Variants in HLCS observed in about 807,000 individuals in gnomAD.
HLCS encodes the protein holocarboxylase synthetase.
A neutral mutation model predicts 75.0 loss-of-function variants in HLCS; 53 were observed. That is an observed-to-expected ratio of 0.71 (90% confidence interval 0.57 to 0.89). The LOEUF is 0.89. Ranked by LOEUF, HLCS falls within the 40% of genes least tolerant of loss-of-function variation. The probability of loss-of-function intolerance (pLI) is 0.00; values close to 1 mark genes in which losing one functional copy is unlikely to be tolerated. For missense variants in HLCS, 966 were observed against 1,074.0 expected, an observed-to-expected ratio of 0.90 and a Z score of 1.41; for synonymous variants, 431 against 428.6, an observed-to-expected ratio of 1.01 and a Z score of -0.07.
chr21:36,763,443 G>C (rs2089922485), intron 8 of HLCS, among the ~76,000 whole-genome samples: 1 of 152,230 alleles, frequency 6.6e-6, no homozygotes, highest in African/African-American at 2.4e-5. Context: ...GTGCCTGGTA[G>C]TAAGCGTCCG....
At chr21:36,792,506 G>C (rs934333381) in intron 6 of HLCS, among the ~76,000 whole-genome samples, 1 of 151,516 alleles carries the variant, frequency 6.6e-6, no homozygotes, top group Non-Finnish European at 1.5e-5. Flanking sequence ...GGAAGGGAGC[G>C]GGGGGAGGAG....
chr21:36,901,690 A>C (rs1402166418), intron 5 of HLCS, among the ~76,000 whole-genome samples: 1 of 152,128 alleles, frequency 6.6e-6, no homozygotes, highest in African/African-American at 2.4e-5. Context: ...TCTCCTCTTT[A>C]AGTGTCCCGA....
At chr21:36,964,633 A>G (rs112265860) in intron 1 of HLCS, among the ~76,000 whole-genome samples, 3 of 152,218 alleles carry the variant, frequency 2.0e-5, no homozygotes, top group Admixed American at 6.5e-5. Context: ...GTGCAGAGTG[A>G]CAGAGCAGAG....
intron 6 of HLCS, among the ~76,000 whole-genome samples, chr21:36,892,023 T>G (rs2064806917): frequency 6.6e-6 from 1 of 151,760 alleles, no homozygotes; most frequent in South Asian, 2.1e-4. Context: ...AAGACCAGAG[T>G]TTTTAGGCTG....
intron 6 of HLCS, among the ~76,000 whole-genome samples, chr21:36,811,048 A>T (rs1569042999): frequency 6.6e-6 from 1 of 151,932 alleles, no homozygotes; most frequent in Non-Finnish European, 1.5e-5. Context: ...TAATTGGCAG[A>T]TAAAACTGAA....
intron 4 of HLCS, among the ~76,000 whole-genome samples, chr21:36,935,888 A>G (rs1434120265): frequency 6.6e-6 from 1 of 152,216 alleles, no homozygotes; most frequent in Non-Finnish European, 1.5e-5. Context: ...AGTAGCTTCA[A>G]TATTCTCTTA....
chr21:36,828,749 T>C (rs1253269333), intron 6 of HLCS, among the ~76,000 whole-genome samples: 10 of 152,364 alleles, frequency 6.6e-5, no homozygotes, highest in Non-Finnish European at 1.3e-4. Context: ...ATAAATCCTT[T>C]TTACTTAAGT....
At chr21:36,864,452 C>T (rs2063488644) in intron 6 of HLCS, among the ~76,000 whole-genome samples, 1 of 152,060 alleles carries the variant, frequency 6.6e-6, no homozygotes, top group South Asian at 2.1e-4. Context: ...TTTGCATTCC[C>T]TTTCCTCCTT....
rs59724760 is a variant in HLCS at position 36,823,610 on chromosome 21, G to GGTGTGTGTGTGTGTGTGTGTGTGT, written c.1893-56349_1893-56326dup. Among the ~76,000 whole-genome samples, 1,203 of 132,738 alleles carry GGTGTGTGTGTGTGTGTGTGTGTGT rather than the reference G, an allele frequency of 9.1e-3. 6 individuals are homozygous for GGTGTGTGTGTGTGTGTGTGTGTGT. The highest frequency in any genetic ancestry group is 0.017 in the African/African-American group (592 of 35,852). The allele number at this position is 132,738 out of a possible 152,430, so 87.1% of individuals were successfully genotyped here. A position where few individuals can be genotyped will look rare whatever the true frequency, so the allele number is the denominator to read the frequency against. ...CCATTTACCAGCTTCAAACGTGCAG[G>GGTGTGTGTGTGTGTGTGTGTGTGT]GTGTGTGTGTGTGTGTGTGTGTGTG... On this transcript the variant is annotated intron_variant, in intron 6 of 10. Transcript: ENST00000674895.
intron 6 of HLCS, among the ~76,000 whole-genome samples, chr21:36,796,846 T>A (rs2061039968): frequency 6.6e-6 from 1 of 151,324 alleles, no homozygotes; most frequent in East Asian, 1.9e-4. Flanking sequence ...ACAAGTTTAT[T>A]AAAGTGACTT....
At chr21:36,839,966 C>T (rs1403032982) in intron 6 of HLCS, among the ~76,000 whole-genome samples, 1 of 152,214 alleles carries the variant, frequency 6.6e-6, no homozygotes. Context: ...TTTGTTAGCA[C>T]AATTTTGGAA....
At chr21:36,877,600 G>A (rs2064034925) in intron 6 of HLCS, among the ~76,000 whole-genome samples, 1 of 152,134 alleles carries the variant, frequency 6.6e-6, no homozygotes, top group Non-Finnish European at 1.5e-5. Flanking sequence ...GACTATGTAA[G>A]ATGATGCTAC....
chr21:36,821,426 C>T (rs2061837898), intron 6 of HLCS, among the ~76,000 whole-genome samples: 1 of 152,194 alleles, frequency 6.6e-6, no homozygotes, highest in Non-Finnish European at 1.5e-5. Flanking sequence ...GCTAGACATC[C>T]GTTCATTCAC....
chr21:36,892,254 C>T (rs569661523), intron 6 of HLCS, among the ~76,000 whole-genome samples: 1 of 152,318 alleles, frequency 6.6e-6, no homozygotes, highest in East Asian at 1.9e-4. Flanking sequence ...CATCCATCTC[C>T]GATGTGGTGC....
intron 6 of HLCS, among the ~76,000 whole-genome samples, chr21:36,813,001 G>A (rs986746564): frequency 1.3e-5 from 2 of 152,204 alleles, no homozygotes; most frequent in Admixed American, 1.3e-4. Flanking sequence ...CAAGGTTGCA[G>A]TGAGCTGTGA....
intron 6 of HLCS, among the ~76,000 whole-genome samples, chr21:36,850,168 TA>T (rs2146134094): frequency 6.6e-6 from 1 of 152,374 alleles, no homozygotes; most frequent in Non-Finnish European, 1.5e-5. Flanking sequence ...GTCAAAGGCT[TA>T]ACATTTTTTT....
chr21:36,751,416 C>G lies in HLCS; in HGVS notation c.*2830G>C, dbSNP rs2089359720. On this transcript the variant is annotated 3_prime_UTR_variant, in exon 11 of 11. Coordinates refer to ENST00000674895, the MANE Select transcript of HLCS (RefSeq NM_001352514.2). ...CGGAAGCCCACCCTGCCTCCCTTTT[C>G]CATCTGAAGCAGTGCGGGGAGGCTG... The G allele has an allele frequency of 6.6e-6, 1 of 152,416 alleles. No individual in the cohort carries two copies. Among genetic ancestry groups the G allele is most frequent in the Admixed American group, 6.5e-5 (1 of 15,290 alleles). 9.4% of individuals were successfully genotyped at this position (152,416 alleles called of 1,614,324 possible). A position where few individuals can be genotyped will look rare whatever the true frequency, so the allele number is the denominator to read the frequency against.
intron 5 of HLCS, among the ~76,000 whole-genome samples, chr21:36,925,877 T>A (rs55804329): frequency 0.048 from 7,248 of 152,272 alleles, 385 homozygotes; most frequent in African/African-American, 0.14. Flanking sequence ...CGATAGAAAA[T>A]AAAATCTATT....
chr21:36,772,553 C>CACTTGA (rs2060239154), intron 6 of HLCS, among the ~76,000 whole-genome samples: 1 of 147,704 alleles, frequency 6.8e-6, no homozygotes, highest in Non-Finnish European at 1.5e-5. Flanking sequence ...ATGGGAGGAT[C>CACTTGA]ACTTGAGGCA....
Sources: allele counts gnomAD v4.1 joint callset (sites outside exome capture counted in the v4.1 genomes callset), GRCh38; gene constraint gnomAD v4.1.1; transcripts MANE v1.5; gene names NCBI Gene and HGNC (gene_info 2026-07-23, HGNC 2026-07-21).